The following SLC25A14 variants were observed in gnomAD, a reference collection of about 807,000 sequenced individuals.
SLC25A14 encodes the protein brain mitochondrial carrier protein 1.
A neutral mutation model predicts 28.1 loss-of-function variants in SLC25A14; 8 were observed. That is an observed-to-expected ratio of 0.28 (90% CI 0.17 to 0.51). SLC25A14 has a LOEUF of 0.51. Ranked by LOEUF, SLC25A14 falls within the 20% of genes least tolerant of loss-of-function variation. The probability of loss-of-function intolerance (pLI) is 0.97; values close to 1 mark genes in which losing one functional copy is unlikely to be tolerated. For synonymous variants in SLC25A14, 74 were observed against 90.6 expected, an observed-to-expected ratio of 0.82 and a Z score of 1.04; for missense variants, 135 against 263.8, an observed-to-expected ratio of 0.51 and a Z score of 3.38.
At chrX:130,372,239 T>A (rs2034279061) in intron 10 of SLC25A14, among the ~76,000 whole-genome samples, 1 of 111,538 alleles carries the variant, frequency 9.0e-6, no homozygotes, top group Non-Finnish European at 1.9e-5. Context: ...CGTTCCCTCT[T>A]GGAATCACTC....
chrX:130,346,524 A>G lies in SLC25A14; in HGVS notation c.170-20A>G. On this transcript the variant is annotated intron_variant, in intron 3 of 10. Coordinates refer to ENST00000545805, the MANE Select transcript of SLC25A14 (RefSeq NM_001282195.2). ...TGTGATTCTTTGGACATACTTATAAATAAGTGTGTTCCTTTATAGGGACTT... is the reference window on the plus strand; with the variant it reads ...TGTGATTCTTTGGACATACTTATAAGTAAGTGTGTTCCTTTATAGGGACTT... 2.5e-6 allele frequency: 3 copies of G among 1,183,642 alleles called. No individual in the cohort carries two copies. Among genetic ancestry groups the G allele is most frequent in the Non-Finnish European group, 3.4e-6 (3 of 872,856 alleles).
chrX:130,344,465 C>A lies in SLC25A14; in HGVS notation c.76-717C>A, dbSNP rs916905362. Among the ~76,000 whole-genome samples, 5 of 110,943 alleles carry A rather than the reference C, an allele frequency of 4.5e-5. No homozygotes were observed. In the East Asian group the frequency reaches 1.1e-3, roughly 25 times the overall value. ...GAAAAGGGAGGCTGGGAGCAGAATACGTTGTTAAAGAACTAGAACATAAAA... is the reference window on the plus strand; with the variant it reads ...GAAAAGGGAGGCTGGGAGCAGAATAAGTTGTTAAAGAACTAGAACATAAAA... On this transcript the variant is annotated intron_variant, in intron 2 of 10. Transcript: ENST00000545805.
intron 9 of SLC25A14, 81 bp from the exon 10 acceptor site, chrX:130,371,483 G>T: frequency 1.6e-6 from 1 of 641,510 alleles, no homozygotes. Context: ...GCCATAAGTT[G>T]CCCTGGGGTG....
chrX:130,340,160 G>T lies in SLC25A14; in HGVS notation c.-119G>T. ...CTGGCATCGGTGGTTTTACTTCTTC[G>T]ATTGAACCCTGCTTCCTCGACCCCC... On this transcript the variant is annotated 5_prime_UTR_variant, in exon 2 of 11. Coordinates refer to ENST00000545805, the MANE Select transcript of SLC25A14 (RefSeq NM_001282195.2). The T allele has an allele frequency of 8.7e-7, 1 of 1,150,723 alleles. No homozygotes were observed. Among genetic ancestry groups the T allele is most frequent in the Admixed American group, 2.9e-5 (1 of 34,761 alleles). 94.8% of individuals were successfully genotyped at this position (1,150,723 alleles called of 1,213,427 possible). A position where few individuals can be genotyped will look rare whatever the true frequency, so the allele number is the denominator to read the frequency against.
chrX:130,344,125 A>G (rs1469245631), intron 2 of SLC25A14, among the ~76,000 whole-genome samples: 1 of 112,678 alleles, frequency 8.9e-6, no homozygotes, highest in Admixed American at 9.4e-5. Context: ...AACAGATACT[A>G]CTTTCAGATG....
At chrX:130,354,629 C>T (rs1290262318) in intron 6 of SLC25A14, among the ~76,000 whole-genome samples, 1 of 112,093 alleles carries the variant, frequency 8.9e-6, no homozygotes, top group Admixed American at 9.4e-5. Flanking sequence ...GCACTGCCAT[C>T]TCCTAGGGCA....
At position 130,372,471 on chromosome X, in the gene SLC25A14, T is replaced by TTA. The variant is rs1202836808; in HGVS notation, c.937-437_937-436insAT. Among the ~76,000 whole-genome samples, 549 of 57,929 alleles carry TTA rather than the reference T, an allele frequency of 9.5e-3. 5 individuals are homozygous for TTA. The highest frequency in any genetic ancestry group is 0.023 in the African/African-American group (517 of 22,064). 50.3% of individuals were successfully genotyped at this position (57,929 alleles called of 115,157 possible). A position where few individuals can be genotyped will look rare whatever the true frequency, so the allele number is the denominator to read the frequency against. On this transcript the variant is annotated intron_variant, in intron 10 of 10. Transcript: ENST00000545805. ...TATTTATTTATTTATTTATTTTTAT[T>TTA]TTTTTTTTTGAGATGGAGTCTTGCT... is the stretch of plus-strand genomic sequence containing the variant.
Position 130,373,294 on chromosome X carries a change from C to G in SLC25A14, c.*344C>G, listed in dbSNP as rs1264872718. ...CTTGGGCTAGAGCAGAAGGCATAGG[C>G]CAGGGTGGTTATTGCTATATGTGTT... On this transcript the variant is annotated 3_prime_UTR_variant, in exon 11 of 11. Transcript: ENST00000545805. 1 of 194,559 alleles carries G rather than the reference C, an allele frequency of 5.1e-6. No homozygotes were observed. Among genetic ancestry groups the G allele is most frequent in the East Asian group, 1.2e-4 (1 of 8,351 alleles). The allele number at this position is 194,559 out of a possible 1,213,427, so 16.0% of individuals were successfully genotyped here.
rs1379130244 is a variant in SLC25A14, at chrX:130,367,391, C to T, written c.855+1715C>T. 4.5e-5 allele frequency among the ~76,000 whole-genome samples: 5 copies of T among 111,677 alleles called. No individual in the cohort carries two copies. In the Admixed American group the frequency reaches 4.8e-4, roughly 11 times the overall value. On this transcript the variant is annotated intron_variant, in intron 9 of 10. Transcript: ENST00000545805. ...GTGACCAGGTGGTGACATTCATTGA[C>T]AGAGGCATCACAAGAGGAGCACGTC...
At chrX:130,371,095 A>G (rs185144331) in intron 9 of SLC25A14, among the ~76,000 whole-genome samples, 79 of 112,033 alleles carry the variant, frequency 7.1e-4, no homozygotes, top group African/African-American at 2.3e-3. Flanking sequence ...ATGATATAGC[A>G]GATGGTTTCC....
intron 7 of SLC25A14, chrX:130,359,245 C>T (rs2033891040): frequency 7.6e-6 from 2 of 261,766 alleles, no homozygotes; most frequent in Non-Finnish European, 1.4e-5. Context: ...CACAGCTACT[C>T]AGGAGGCTGA....
intron 8 of SLC25A14, 196 bp from the exon 9 acceptor site, chrX:130,365,345 G>T (rs753921508): frequency 6.3e-5 from 63 of 994,186 alleles, no homozygotes; most frequent in Non-Finnish European, 7.9e-5. Context: ...GTTTCAGATT[G>T]AAAATTGAAG....
chrX:130,340,994 TC>T (rs1448414594), intron 2 of SLC25A14, among the ~76,000 whole-genome samples: 1 of 111,459 alleles, frequency 9.0e-6, no homozygotes, highest in Non-Finnish European at 1.9e-5. Flanking sequence ...TAGGTTCCTT[TC>T]TTCTTGGCAC....
intron 6 of SLC25A14, among the ~76,000 whole-genome samples, chrX:130,357,553 G>A (rs1233503806): frequency 8.9e-6 from 1 of 111,998 alleles, no homozygotes; most frequent in Non-Finnish European, 1.9e-5. Context: ...CTTTGTGATA[G>A]GTTGTATCTT....
Position 130,340,164 on chromosome X carries a change from G to C in SLC25A14, c.-115G>C. 20 of 1,157,674 alleles carry C rather than the reference G, an allele frequency of 1.7e-5. No homozygotes were observed. The South Asian group carries it at 3.5e-4, about 20-fold the overall frequency. ...CATCGGTGGTTTTACTTCTTCGATT[G>C]AACCCTGCTTCCTCGACCCCCCTGG... On this transcript the variant is annotated 5_prime_UTR_variant, in exon 2 of 11. Coordinates refer to ENST00000545805, the MANE Select transcript of SLC25A14 (RefSeq NM_001282195.2).
intron 6 of SLC25A14, among the ~76,000 whole-genome samples, chrX:130,353,007 G>A (rs1172527794): frequency 1.8e-5 from 2 of 111,960 alleles, no homozygotes; most frequent in African/African-American, 3.2e-5. Context: ...CCAGAATGGC[G>A]TTTCCTAGGT....
rs2033956087 is a variant in SLC25A14 at position 130,361,252 on chromosome X, A to G, written c.594+2517A>G. Among the ~76,000 whole-genome samples the G allele has an allele frequency of 2.7e-5, 3 of 112,254 alleles. No individual in the cohort carries two copies. The South Asian group carries it at 1.1e-3, about 41-fold the overall frequency. On this transcript the variant is annotated intron_variant, in intron 7 of 10. Transcript: ENST00000545805. ...ATGCTGCTGGGTAAATGGGTGTGCAAATATCTTTTTTAGACCCTGCTTTCA... is the reference window on the plus strand; with the variant it reads ...ATGCTGCTGGGTAAATGGGTGTGCAGATATCTTTTTTAGACCCTGCTTTCA...
intron 6 of SLC25A14, among the ~76,000 whole-genome samples, chrX:130,356,041 A>C (rs760838735): frequency 1.8e-5 from 2 of 110,942 alleles, no homozygotes; most frequent in East Asian, 5.6e-4. Flanking sequence ...CAGTGGGTTC[A>C]GGCGTGACAG....
intron 6 of SLC25A14, among the ~76,000 whole-genome samples, chrX:130,354,094 TC>T (rs1191303237): frequency 9.4e-6 from 1 of 106,405 alleles, no homozygotes; most frequent in Admixed American, 9.9e-5. Flanking sequence ...CCTTTTTCAT[TC>T]TTTTTTTTTT....
Sources: allele counts gnomAD v4.1 joint callset (sites outside exome capture counted in the v4.1 genomes callset), GRCh38; gene constraint gnomAD v4.1.1; transcripts MANE v1.5; gene names NCBI Gene and HGNC (gene_info 2026-07-23, HGNC 2026-07-21).